IL1RAPL2: variants seen among roughly 807,000 people sequenced by gnomAD.
IL1RAPL2 encodes interleukin 1 receptor accessory protein like 2, also known as X-linked interleukin-1 receptor accessory protein-like 2.
In IL1RAPL2, 3 loss-of-function variants were observed where a neutral mutation model predicts 44.1. The ratio of observed to expected loss-of-function variants is 0.07; its 90% CI spans 0.03 to 0.18. The LOEUF is 0.18. IL1RAPL2 is among the 10% of genes least tolerant of loss of function. The pLI, the probability that IL1RAPL2 is intolerant of heterozygous loss-of-function variation, is 1.00. For synonymous variants in IL1RAPL2, 181 were observed against 178.8 expected (o/e 1.01, Z -0.10); for missense variants, 391 against 496.4 (o/e 0.79, Z 2.02).
chrX:105,264,924 A>G (rs1344025525), intron 4 of IL1RAPL2, among the ~76,000 whole-genome samples: 4 of 112,109 alleles, frequency 3.6e-5, no homozygotes, highest in Admixed American at 1.9e-4. Context: ...TATTGGATAC[A>G]AAGAACCTTT....
intron 2 of IL1RAPL2, among the ~76,000 whole-genome samples, chrX:104,899,087 A>G (rs1923740228): frequency 8.9e-6 from 1 of 112,088 alleles, no homozygotes; most frequent in Non-Finnish European, 1.9e-5. Context: ...AGCTGACTAT[A>G]CAGCACTACC....
intron 2 of IL1RAPL2, among the ~76,000 whole-genome samples, chrX:105,020,166 T>TG (rs202146380): frequency 7.3e-5 from 8 of 109,396 alleles, no homozygotes; most frequent in Non-Finnish European, 9.5e-5. Flanking sequence ...TAGAGATTGG[T>TG]GGGGGGGAGG....
At chrX:105,712,631 T>C (rs766703080) in intron 6 of IL1RAPL2, among the ~76,000 whole-genome samples, 1 of 111,102 alleles carries the variant, frequency 9.0e-6, no homozygotes, top group South Asian at 3.8e-4. Flanking sequence ...TCCCTCATTA[T>C]CATGAGAATA....
intron 2 of IL1RAPL2, among the ~76,000 whole-genome samples, chrX:104,980,254 A>G (rs376089803): frequency 3.7e-4 from 41 of 112,003 alleles, no homozygotes; most frequent in African/African-American, 1.2e-3. Flanking sequence ...TGAAATACAA[A>G]GAAAAACATG....
At chrX:105,356,200 G>T (rs2035201908) in intron 5 of IL1RAPL2, among the ~76,000 whole-genome samples, 1 of 109,740 alleles carries the variant, frequency 9.1e-6, no homozygotes, top group Non-Finnish European at 1.9e-5. Flanking sequence ...TTTCTTGGGG[G>T]CTGAACTCAG....
chrX:105,219,799 A>C, intron 3 of IL1RAPL2: 1 of 1,153,856 alleles, frequency 8.7e-7, no homozygotes, highest in East Asian at 3.0e-5. Context: ...TTCTGGGGGC[A>C]AGGCGGGAGC....
At position 104,687,412 on chromosome X, in the gene IL1RAPL2, T is replaced by A. The variant is rs981927094; in HGVS notation, c.82+28417T>A. ...GCTCTTTTTTAACAATCAGTTCTTG[T>A]GGGAACTAATAGAGTGAGAACTCAC... is the stretch of plus-strand genomic sequence containing the variant. On this transcript the variant is annotated intron_variant, in intron 2 of 10. Transcript: ENST00000372582. Among the ~76,000 whole-genome samples the A allele has an allele frequency of 6.3e-5, 7 of 110,947 alleles. No individual in the cohort carries two copies. In the Admixed American group the frequency reaches 6.7e-4, roughly 11 times the overall value.
At chrX:104,921,687 G>A (rs1036659661) in intron 2 of IL1RAPL2, among the ~76,000 whole-genome samples, 72 of 112,784 alleles carry the variant, frequency 6.4e-4, no homozygotes, top group African/African-American at 2.2e-3. Flanking sequence ...AGCACAGCTC[G>A]GGTTCATGTA....
intron 2 of IL1RAPL2, among the ~76,000 whole-genome samples, chrX:104,861,121 G>A (rs1922482280): frequency 8.9e-6 from 1 of 111,952 alleles, no homozygotes; most frequent in Non-Finnish European, 1.9e-5. Flanking sequence ...GAATGCCAAT[G>A]CAGATCAGAT....
At chrX:105,624,700 G>A (rs1433487159) in intron 6 of IL1RAPL2, among the ~76,000 whole-genome samples, 1 of 111,305 alleles carries the variant, frequency 9.0e-6, no homozygotes, top group Admixed American at 9.6e-5. Flanking sequence ...TGCCAGTAAC[G>A]ATAACATCAA....
At chrX:104,943,588 G>T (rs1332744182) in intron 2 of IL1RAPL2, among the ~76,000 whole-genome samples, 1 of 111,088 alleles carries the variant, frequency 9.0e-6, no homozygotes, top group Non-Finnish European at 1.9e-5. Flanking sequence ...TACCTGGAAT[G>T]TTCATCCCCT....
At chrX:104,709,366 T>C (rs943283784) in intron 2 of IL1RAPL2, among the ~76,000 whole-genome samples, 2 of 111,332 alleles carry the variant, frequency 1.8e-5, no homozygotes, top group African/African-American at 6.5e-5. Flanking sequence ...AAGCAGAGAA[T>C]GGGGAAAAGT....
intron 2 of IL1RAPL2, among the ~76,000 whole-genome samples, chrX:105,007,072 C>T (rs868784634): frequency 1.8e-5 from 2 of 111,141 alleles, no homozygotes; most frequent in Non-Finnish European, 1.9e-5. Flanking sequence ...CCCAACTCTT[C>T]CATTAGTGAA....
chrX:105,256,013 A>G (rs1358656696), intron 4 of IL1RAPL2, among the ~76,000 whole-genome samples: 6 of 112,054 alleles, frequency 5.4e-5, no homozygotes, highest in African/African-American at 1.9e-4. Context: ...CTACTTGATC[A>G]TGGTATATTA....
intron 3 of IL1RAPL2, among the ~76,000 whole-genome samples, chrX:105,233,107 C>T (rs1382532678): frequency 2.7e-5 from 3 of 111,427 alleles, no homozygotes; most frequent in Non-Finnish European, 3.8e-5. Context: ...CAGGGTGAAA[C>T]CCCGTCTCTA....
At chrX:105,178,578 T>G (rs148483141) in intron 2 of IL1RAPL2, among the ~76,000 whole-genome samples, 2 of 111,964 alleles carry the variant, frequency 1.8e-5, no homozygotes, top group South Asian at 7.5e-4. Flanking sequence ...CATACTGTTT[T>G]CCATAATGGC....
chrX:104,626,875 C>T (rs185823075), intron 1 of IL1RAPL2, among the ~76,000 whole-genome samples: 59 of 105,771 alleles, frequency 5.6e-4, no homozygotes, highest in Admixed American at 5.5e-3. Context: ...GGCTGGAGTG[C>T]AGTGGTACAA....
intron 2 of IL1RAPL2, among the ~76,000 whole-genome samples, chrX:104,695,249 A>C (rs766931485): frequency 8.9e-6 from 1 of 111,801 alleles, no homozygotes; most frequent in Non-Finnish European, 1.9e-5. Context: ...AAAGTCTTCT[A>C]TTCTTTTCAG....
chrX:105,056,428 T>C (rs1320814874), intron 2 of IL1RAPL2, among the ~76,000 whole-genome samples: 1 of 111,765 alleles, frequency 8.9e-6, no homozygotes, highest in Non-Finnish European at 1.9e-5. Flanking sequence ...CATTATAAAA[T>C]CCATACCTCT....
Sources: allele counts gnomAD v4.1 joint callset (sites outside exome capture counted in the v4.1 genomes callset), GRCh38; gene constraint gnomAD v4.1.1; transcripts MANE v1.5; gene names NCBI Gene and HGNC (gene_info 2026-07-23, HGNC 2026-07-21).